ARHGEF37: variants seen among roughly 807,000 people sequenced by gnomAD.
ARHGEF37 encodes the protein Rho guanine nucleotide exchange factor 37, also known as Rho guanine nucleotide exchange factor (GEF) 37.
ARHGEF37 carries 55 observed loss-of-function variants against 71.1 expected under a neutral mutation model. The observed-to-expected ratio is 0.77, with a 90% CI of 0.62 to 0.97. ARHGEF37 has a LOEUF of 0.97. Among genes scored for constraint, ARHGEF37 ranks in the 50% least tolerant of loss-of-function variants. ARHGEF37 has a pLI of 0.00. For synonymous variants in ARHGEF37, 327 were observed against 350.6 expected, an observed-to-expected ratio of 0.93 and a Z score of 0.75; for missense variants, 765 against 836.8, an observed-to-expected ratio of 0.91 and a Z score of 1.06.
intron 1 of ARHGEF37, among the ~76,000 whole-genome samples, chr5:149,589,050 G>A (rs1763321246): frequency 6.6e-6 from 1 of 152,030 alleles, no homozygotes; most frequent in African/African-American, 2.4e-5. Flanking sequence ...GGAAACAAGT[G>A]AGACCCTGTC....
chr5:149,619,239 G>A (rs1371607859), intron 7 of ARHGEF37, among the ~76,000 whole-genome samples, 197 bp downstream of exon 7: 3 of 152,128 alleles, frequency 2.0e-5, no homozygotes, highest in East Asian at 1.9e-4. Context: ...GGGCAGCTCC[G>A]AGCCCATTGG....
chr5:149,586,698 A>C (rs909510025), intron 1 of ARHGEF37, among the ~76,000 whole-genome samples: 1 of 152,272 alleles, frequency 6.6e-6, no homozygotes. Context: ...AAATTAGTAG[A>C]TATCTTTAAT....
At position 149,627,282 on chromosome 5, in the gene ARHGEF37, C is replaced by T; in HGVS notation, c.1660+11C>T. 6.2e-7 allele frequency: 1 copy of T among 1,609,836 alleles called. No individual in the cohort carries two copies. The highest frequency in any genetic ancestry group is 1.3e-5 in the African/African-American group (1 of 74,946). On this transcript the variant is annotated intron_variant, in intron 11 of 12. Coordinates refer to ENST00000333677, the MANE Select transcript of ARHGEF37 (RefSeq NM_001001669.3). ...TGGTGGACACCGGGGGTACGTGAGCCTTTGGGAGCCCTTCTTCTCCTTCGG... is the reference window on the plus strand; with the variant it reads ...TGGTGGACACCGGGGGTACGTGAGCTTTTGGGAGCCCTTCTTCTCCTTCGG...
rs1387118104 is a variant in ARHGEF37 at position 149,632,385 on chromosome 5, G to A, written c.*194G>A. 3 of 621,730 alleles carry A rather than the reference G, an allele frequency of 4.8e-6. No individual in the cohort carries two copies. The highest frequency in any genetic ancestry group is 8.4e-6 in the Non-Finnish European group (3 of 358,196). The allele number at this position is 621,730 out of a possible 1,614,324, so 38.5% of individuals were successfully genotyped here. ...GCTTGGTGTGGTGGGGGCACAGGAG[G>A]CTCCAGCCAGGACTGCTCATTATGT... On this transcript the variant is annotated 3_prime_UTR_variant, in exon 13 of 13. Coordinates refer to ENST00000333677, the MANE Select transcript of ARHGEF37 (RefSeq NM_001001669.3).
intron 11 of ARHGEF37, 50 bp downstream of exon 11, chr5:149,627,321 A>C (rs766449043): frequency 6.4e-7 from 1 of 1,573,496 alleles, no homozygotes; most frequent in African/African-American, 1.3e-5. Flanking sequence ...AAACCACCCC[A>C]CAGAAGCCGG....
chr5:149,606,293 T>C (rs1309846620), intron 3 of ARHGEF37, among the ~76,000 whole-genome samples: 1 of 152,070 alleles, frequency 6.6e-6, no homozygotes, highest in Non-Finnish European at 1.5e-5. Flanking sequence ...CGGGTGGTCA[T>C]GTTCTGTCTG....
In ARHGEF37 at chr5:149,616,663, C is replaced by G. The variant is rs769286218; in HGVS notation, c.555C>G (p.Asn185Lys). The G allele has an allele frequency of 6.2e-6, 10 of 1,613,922 alleles. No individual in the cohort carries two copies. The highest frequency in any genetic ancestry group is 4.4e-5 in the South Asian group (4 of 91,062). ...YPLLLQKILE[N>K]TVPDASAYPV... ...TGCTGCTGCAGAAAATCCTGGAGAA[C>G]ACAGTCCCTGATGCCAGTGCCTATC... is the stretch of plus-strand genomic sequence containing the variant. Residue 185 changes from asparagine to lysine, a missense_variant, in exon 5 of 13, where the codon AAC (asparagine) becomes AAG (lysine). Transcript: ENST00000333677.
intron 4 of ARHGEF37, among the ~76,000 whole-genome samples, chr5:149,610,735 G>C (rs1036697981): frequency 6.6e-6 from 1 of 152,196 alleles, no homozygotes; most frequent in African/African-American, 2.4e-5. Flanking sequence ...GGGAAGCAAG[G>C]TGCCAGAGAT....
Position 149,616,602 on chromosome 5 carries a change from T to C in ARHGEF37, c.494T>C (p.Leu165Pro), listed in dbSNP as rs752746755. ...QAGSSGLSFL[L>P]VIPLQRITRY... ...GGATCTTCAGGCCTCAGTTTCTTGC[T>C]GGTAATTCCTCTGCAGAGGATCACC... is the stretch of plus-strand genomic sequence containing the variant. Residue 165 changes from leucine (L) to proline (P), a missense_variant, in exon 5 of 13, where the codon CTG becomes CCG. Around this residue, in one of 5 missense-constraint regions of ARHGEF37, gnomAD observed 201 missense variants for 217.5 expected, o/e 0.92. Transcript: ENST00000333677. 2 of 1,611,484 alleles carry C rather than the reference T, an allele frequency of 1.2e-6. No individual in the cohort carries two copies. The highest frequency in any genetic ancestry group is 1.7e-6 in the Non-Finnish European group (2 of 1,178,980).
At chr5:149,571,323 T>G (rs1411222311) in intron 1 of ARHGEF37, among the ~76,000 whole-genome samples, 1 of 152,136 alleles carries the variant, frequency 6.6e-6, no homozygotes, top group Non-Finnish European at 1.5e-5. Flanking sequence ...TGGCACGACC[T>G]CGGCTCACTG....
intron 12 of ARHGEF37, among the ~76,000 whole-genome samples, chr5:149,630,153 T>C (rs943195052): frequency 2.0e-5 from 3 of 152,172 alleles, no homozygotes; most frequent in East Asian, 1.9e-4. Flanking sequence ...AACCTCTGAA[T>C]TGTACACTTT....
chr5:149,623,370 A>G (rs889457074), intron 9 of ARHGEF37, among the ~76,000 whole-genome samples: 12 of 152,178 alleles, frequency 7.9e-5, no homozygotes, highest in African/African-American at 2.9e-4. Context: ...TGGCCCTCAC[A>G]GAGTTCTGTC....
chr5:149,622,435 G>A (rs865882552), intron 9 of ARHGEF37, among the ~76,000 whole-genome samples: 2 of 152,274 alleles, frequency 1.3e-5, no homozygotes, highest in East Asian at 1.9e-4. Context: ...GTCTCAAGCC[G>A]GTGTTACTAT....
intron 1 of ARHGEF37, among the ~76,000 whole-genome samples, chr5:149,553,434 TAA>T (rs58190588): frequency 7.0e-6 from 1 of 143,778 alleles, no homozygotes; most frequent in Admixed American, 7.0e-5. Flanking sequence ...ATTCTGGTCT[TAA>T]AAAAAAAAAA....
At chr5:149,597,465 G>T (rs978972522) in intron 1 of ARHGEF37, among the ~76,000 whole-genome samples, 3 of 151,976 alleles carry the variant, frequency 2.0e-5, no homozygotes, top group African/African-American at 7.3e-5. Context: ...CATCATGTTG[G>T]CCAGGCTGGT....
intron 1 of ARHGEF37, among the ~76,000 whole-genome samples, chr5:149,573,896 T>C (rs911414715): frequency 4.6e-5 from 7 of 152,152 alleles, no homozygotes; most frequent in Non-Finnish European, 1.0e-4. Context: ...TAGTATTCCA[T>C]TGTGTGAGAT....
At chr5:149,575,381 C>A (rs1171262667) in intron 1 of ARHGEF37, among the ~76,000 whole-genome samples, 1 of 152,200 alleles carries the variant, frequency 6.6e-6, no homozygotes, top group Non-Finnish European at 1.5e-5. Flanking sequence ...AAGAGCATTC[C>A]TCTTTTTCTT....
chr5:149,569,300 TTTTA>T (rs553307248), intron 1 of ARHGEF37, among the ~76,000 whole-genome samples: 4 of 151,554 alleles, frequency 2.6e-5, no homozygotes, highest in Admixed American at 6.6e-5. Flanking sequence ...TTCTGTTTAT[TTTTA>T]TTTATTTATT....
chr5:149,600,968 C>A, intron 2 of ARHGEF37, 140 bp from the exon 3 acceptor site: 1 of 1,025,632 alleles, frequency 9.8e-7, no homozygotes, highest in Non-Finnish European at 1.4e-6. Context: ...GTTTCAAAAT[C>A]CTTGCAAAAT....
Sources: allele counts gnomAD v4.1 joint callset (sites outside exome capture counted in the v4.1 genomes callset), GRCh38; gene constraint gnomAD v4.1.1; regional missense constraint gnomAD v4.1.1; transcripts MANE v1.5; gene names NCBI Gene and HGNC (gene_info 2026-07-23, HGNC 2026-07-21).